Variants in CNTLN observed in about 807,000 individuals in gnomAD.
CNTLN encodes centlein, also known as centlein, centrosomal protein.
CNTLN carries 212 observed loss-of-function variants against 180.0 expected under a neutral mutation model. The ratio of observed to expected loss-of-function variants is 1.18; its 90% CI spans 1.05 to 1.32. The LOEUF is 1.32. Among genes scored for constraint, CNTLN ranks in the 40% most tolerant of loss-of-function variants. CNTLN has a pLI of 0.00. For missense variants in CNTLN, 2,095 were observed against 1,610.9 expected (o/e 1.30, Z -5.14); for synonymous variants, 722 against 563.1 (o/e 1.28, Z -3.99).
intron 6 of CNTLN, among the ~76,000 whole-genome samples, chr9:17,274,203 GAAAC>G (rs935632853): frequency 2.0e-5 from 3 of 152,028 alleles, no homozygotes; most frequent in Non-Finnish European, 4.4e-5. Flanking sequence ...TAGTAACTGA[GAAAC>G]AAATTTTGAC....
At chr9:17,370,367 T>C (rs1167770035) in intron 13 of CNTLN, among the ~76,000 whole-genome samples, 1 of 152,068 alleles carries the variant, frequency 6.6e-6, no homozygotes, top group African/African-American at 2.4e-5. Context: ...GACTTTTCAG[T>C]GGAAACTTTA....
intron 25 of CNTLN, among the ~76,000 whole-genome samples, chr9:17,498,474 C>T (rs569883664): frequency 1.4e-4 from 21 of 152,202 alleles, no homozygotes; most frequent in African/African-American, 4.8e-4. Flanking sequence ...AGGGGAGATC[C>T]CTCCAGTAAT....
intron 3 of CNTLN, among the ~76,000 whole-genome samples, chr9:17,226,677 G>C (rs763737514): frequency 8.6e-5 from 13 of 151,852 alleles, no homozygotes; most frequent in Non-Finnish European, 1.6e-4. Flanking sequence ...TTGTATTTTT[G>C]TGTTAGTACT....
At chr9:17,265,288 T>A (rs1383117797) in intron 5 of CNTLN, among the ~76,000 whole-genome samples, 3 of 151,920 alleles carry the variant, frequency 2.0e-5, no homozygotes, top group South Asian at 2.1e-4. Context: ...TTCTGCATCT[T>A]TTGAGATAAT....
intron 6 of CNTLN, among the ~76,000 whole-genome samples, chr9:17,280,660 C>G (rs1319524475): frequency 6.6e-6 from 1 of 152,176 alleles, no homozygotes; most frequent in Non-Finnish European, 1.5e-5. Context: ...GACATCAGGT[C>G]ACTGACTTAG....
chr9:17,298,462 C>T, intron 7 of CNTLN, 110 bp downstream of exon 7: 2 of 1,341,840 alleles, frequency 1.5e-6, no homozygotes, highest in South Asian at 4.3e-5. Flanking sequence ...CTTCCTTTTA[C>T]ATGTGTTTCC....
intron 6 of CNTLN, among the ~76,000 whole-genome samples, chr9:17,291,416 C>T (rs1829397593): frequency 6.6e-6 from 1 of 152,050 alleles, no homozygotes; most frequent in African/African-American, 2.4e-5. Flanking sequence ...TTAAAAGTCT[C>T]CCACTATTAT....
At chr9:17,317,979 G>C (rs924929862) in intron 8 of CNTLN, among the ~76,000 whole-genome samples, 2 of 151,554 alleles carry the variant, frequency 1.3e-5, no homozygotes, top group African/African-American at 4.9e-5. Context: ...CTATTGGGGT[G>C]ACTTATTCAG....
rs780326207 is a variant in CNTLN at position 17,309,135 on chromosome 9, T to G, written c.1224T>G (p.Leu408=). 1.9e-6 allele frequency: 3 copies of G among 1,610,390 alleles called. No homozygotes were observed. The highest frequency in any genetic ancestry group is 1.3e-5 in the African/African-American group (1 of 74,910). ...TGCTCCGGCAAAGTGTTACTAATCT[T>G]CAGGATCAGCTATTACAAAAAGAGC... ...EAMLRQSVTN[L]QDQLLQKEQE... The change falls in exon 8 of 26, where the codon CTT becomes CTG. Residue 408 remains leucine (L), a synonymous_variant. Transcript: ENST00000380647.
At chr9:17,171,855 A>C (rs572056100) in intron 2 of CNTLN, among the ~76,000 whole-genome samples, 1 of 151,456 alleles carries the variant, frequency 6.6e-6, no homozygotes, top group East Asian at 1.9e-4. Flanking sequence ...GGACATTGTT[A>C]CTCTCCCTGT....
chr9:17,212,781 C>G (rs7048983), intron 2 of CNTLN, among the ~76,000 whole-genome samples: 49,866 of 151,810 alleles, frequency 0.33, 10,391 homozygotes, highest in East Asian at 0.61. Flanking sequence ...GTTTAGTCTT[C>G]GGAGGGTGTA....
intron 18 of CNTLN, among the ~76,000 whole-genome samples, chr9:17,452,799 C>T (rs1830861038): frequency 6.6e-6 from 1 of 151,980 alleles, no homozygotes; most frequent in South Asian, 2.1e-4. Context: ...TGAATGAAAT[C>T]CCATATAAGA....
At chr9:17,275,842 A>G (rs1268387361) in intron 6 of CNTLN, among the ~76,000 whole-genome samples, 1 of 152,084 alleles carries the variant, frequency 6.6e-6, no homozygotes, top group Non-Finnish European at 1.5e-5. Context: ...GATTATAAGG[A>G]CCTATAGAGG....
At chr9:17,430,094 A>T (rs1171814784) in intron 18 of CNTLN, among the ~76,000 whole-genome samples, 2 of 152,010 alleles carry the variant, frequency 1.3e-5, no homozygotes, top group African/African-American at 4.8e-5. Context: ...AGTTATTGAC[A>T]TCCGTACTTG....
At chr9:17,495,608 CTAAAGT>C (rs1333037045) in intron 25 of CNTLN, among the ~76,000 whole-genome samples, 3 of 151,966 alleles carry the variant, frequency 2.0e-5, no homozygotes, top group South Asian at 4.2e-4. Context: ...TTACAGTAAG[CTAAAGT>C]TAATTTATTA....
At chr9:17,167,831 T>A (rs1820179231) in intron 2 of CNTLN, 1 of 152,080 alleles carries the variant, frequency 6.6e-6, no homozygotes, top group Admixed American at 6.5e-5. Context: ...AAAACTAGAC[T>A]AAAAATCAGG....
intron 6 of CNTLN, among the ~76,000 whole-genome samples, chr9:17,288,590 C>G (rs1331037027): frequency 3.1e-5 from 4 of 129,478 alleles, no homozygotes; most frequent in African/African-American, 1.3e-4. Context: ...GTTGATCTGT[C>G]TAATGTTGAC....
chr9:17,146,058 C>T (rs973214246), intron 2 of CNTLN, among the ~76,000 whole-genome samples: 2 of 152,130 alleles, frequency 1.3e-5, no homozygotes, highest in Admixed American at 6.5e-5. Context: ...TTGCTTGAAG[C>T]TTGTAGGATT....
At chr9:17,518,036 C>CTTTTTTTTTTTTTTTT in the CNTLN span, among the ~76,000 whole-genome samples, 5 of 69,232 alleles carry the variant, frequency 7.2e-5, no homozygotes, top group African/African-American at 1.2e-4. Context: ...TTTTCTTTTC[C>CTTTTTTTTTTTTTTTT]TTTTTTTTTT....
Sources: allele counts gnomAD v4.1 joint callset (sites outside exome capture counted in the v4.1 genomes callset), GRCh38; gene constraint gnomAD v4.1.1; transcripts MANE v1.5; gene names NCBI Gene and HGNC (gene_info 2026-07-23, HGNC 2026-07-21).